Variants in PLA2G4A observed in about 807,000 individuals in gnomAD.
PLA2G4A encodes phospholipase A2 group IVA.
Under a neutral mutation model 81.9 loss-of-function variants are expected in PLA2G4A, and 40 were observed. The observed-to-expected ratio is 0.49, with a 90% CI of 0.38 to 0.64. PLA2G4A has a LOEUF of 0.64. Among genes scored for constraint, PLA2G4A ranks in the 30% least tolerant of loss-of-function variants. The pLI is 0.00. For synonymous variants in PLA2G4A, 302 were observed against 296.9 expected (o/e 1.02, Z -0.18); for missense variants, 715 against 905.1 (o/e 0.79, Z 2.69).
At chr1:186,981,234 AGATTGTAG>A (rs1173557305) in intron 17 of PLA2G4A, among the ~76,000 whole-genome samples, 1 of 152,226 alleles carries the variant, frequency 6.6e-6, no homozygotes, top group Non-Finnish European at 1.5e-5. Context: ...TGGAAAAAAC[AGATTGTAG>A]GAATATACAA....
chr1:186,931,627 T>A (rs1394556005), intron 7 of PLA2G4A, among the ~76,000 whole-genome samples: 1 of 151,942 alleles, frequency 6.6e-6, no homozygotes, highest in South Asian at 2.1e-4. Flanking sequence ...TAAGTTCTTA[T>A]CTGGCTTCCT....
intron 2 of PLA2G4A, among the ~76,000 whole-genome samples, chr1:186,862,916 G>A (rs991536605): frequency 1.3e-5 from 2 of 152,274 alleles, no homozygotes; most frequent in Admixed American, 6.5e-5. Flanking sequence ...AAGTATTGAG[G>A]TAGGAAAAGG....
At chr1:186,919,302 T>A (rs1324892743) in intron 7 of PLA2G4A, among the ~76,000 whole-genome samples, 1 of 152,168 alleles carries the variant, frequency 6.6e-6, no homozygotes, top group Non-Finnish European at 1.5e-5. Flanking sequence ...GGTTCCAGGT[T>A]CCGGTAGGCT....
chr1:186,885,671 A>G lies in PLA2G4A; in HGVS notation c.116-7340A>G, dbSNP rs992829374. ...AATAACTAAGAGTAATATGTTCAAGAAAATAGATGCTAAGATGGAGGATTT... is the reference window on the plus strand; with the variant it reads ...AATAACTAAGAGTAATATGTTCAAGGAAATAGATGCTAAGATGGAGGATTT... On this transcript the variant is annotated intron_variant, in intron 3 of 17. Transcript: ENST00000367466. 2.0e-5 allele frequency among the ~76,000 whole-genome samples: 3 copies of G among 152,178 alleles called. No homozygotes were observed. The East Asian group carries it at 5.8e-4, about 29-fold the overall frequency.
intron 3 of PLA2G4A, among the ~76,000 whole-genome samples, chr1:186,883,568 C>T (rs950413325): frequency 6.6e-6 from 1 of 152,094 alleles, no homozygotes; most frequent in Non-Finnish European, 1.5e-5. Context: ...AAAGGCCTCG[C>T]TTCCTTTTGA....
chr1:186,875,445 A>G (rs1446542755), intron 3 of PLA2G4A, among the ~76,000 whole-genome samples: 1 of 152,052 alleles, frequency 6.6e-6, no homozygotes, highest in East Asian at 1.9e-4. Context: ...TTTTATACTA[A>G]AATCATGAAA....
At chr1:186,862,420 C>T (rs1360931804) in intron 2 of PLA2G4A, among the ~76,000 whole-genome samples, 1 of 151,946 alleles carries the variant, frequency 6.6e-6, no homozygotes, top group African/African-American at 2.4e-5. Flanking sequence ...CCATGTTGGC[C>T]AGGCTGGTCT....
At position 186,939,032 on chromosome 1, in the gene PLA2G4A, C is replaced by A; in HGVS notation, c.720C>A (p.His240Gln). The A allele has an allele frequency of 6.2e-7, 1 of 1,600,386 alleles. No individual in the cohort carries two copies. The highest frequency in any genetic ancestry group is 8.6e-7 in the Non-Finnish European group (1 of 1,167,786). The change falls in exon 9 of 18, where the codon CAC becomes CAA. Residue 240 changes from histidine (H) to glutamine (Q), a missense_variant. Transcript: ENST00000367466. The stretch of plus-strand genomic sequence containing the variant: ...GGTATATGTCAACCTTGTATTCTCA[C>A]CCTGATTTTCCAGAGAAAGGGCCAG... ...STWYMSTLYS[H>Q]PDFPEKGPEE...
intron 7 of PLA2G4A, among the ~76,000 whole-genome samples, chr1:186,928,052 G>A (rs1034472232): frequency 3.9e-5 from 6 of 152,138 alleles, no homozygotes; most frequent in Non-Finnish European, 7.4e-5. Flanking sequence ...CAAAGGTCAG[G>A]TTTCAGGAAT....
intron 10 of PLA2G4A, among the ~76,000 whole-genome samples, chr1:186,944,812 G>T (rs1262313134): frequency 1.3e-5 from 2 of 151,992 alleles, no homozygotes; most frequent in Admixed American, 6.6e-5. Flanking sequence ...ACCCCATTGG[G>T]TTCTTATAAT....
rs560728534 is a variant in PLA2G4A at position 186,971,799 on chromosome 1, G to A, written c.1765-5794G>A. Among the ~76,000 whole-genome samples the A allele has an allele frequency of 3.9e-5, 6 of 152,080 alleles. No individual in the cohort carries two copies. In the South Asian group the frequency reaches 1.0e-3, roughly 26 times the overall value. Reference sequence around the variant, plus strand: ...ATAACATAATAAGATTTGAAAATTTGCGAGGAGTCTACATAAAGTTCTTTT... The same window carrying A: ...ATAACATAATAAGATTTGAAAATTTACGAGGAGTCTACATAAAGTTCTTTT... On this transcript the variant is annotated intron_variant, in intron 15 of 17. Transcript: ENST00000367466.
intron 17 of PLA2G4A, among the ~76,000 whole-genome samples, chr1:186,985,264 G>A (rs1657856815): frequency 6.6e-6 from 1 of 152,034 alleles, no homozygotes; most frequent in African/African-American, 2.4e-5. Flanking sequence ...ACTGAATGCT[G>A]CCCTGTGTCA....
At chr1:186,870,240 T>C (rs945416268) in intron 2 of PLA2G4A, among the ~76,000 whole-genome samples, 195 bp from the exon 3 acceptor site, 16 of 152,142 alleles carry the variant, frequency 1.1e-4, no homozygotes, top group Non-Finnish European at 2.9e-5. Context: ...GTAGTGACAT[T>C]TTAAGGCACA....
intron 2 of PLA2G4A, among the ~76,000 whole-genome samples, chr1:186,868,069 T>C (rs1653097792): frequency 8.4e-6 from 1 of 119,476 alleles, no homozygotes. Flanking sequence ...CGGTGTATAA[T>C]TCTTTTTTTT....
chr1:186,981,707 C>A (rs1413681318), intron 17 of PLA2G4A, among the ~76,000 whole-genome samples: 1 of 152,080 alleles, frequency 6.6e-6, no homozygotes, highest in Non-Finnish European at 1.5e-5. Flanking sequence ...ACTCTGTAAC[C>A]ATTAACTAGT....
intron 15 of PLA2G4A, among the ~76,000 whole-genome samples, chr1:186,975,230 T>G (rs1181912830): frequency 6.6e-6 from 1 of 152,232 alleles, no homozygotes; most frequent in African/African-American, 2.4e-5. Context: ...GATAAAAGCT[T>G]TCTCAAGTTT....
chr1:186,862,231 T>C (rs1652830972), intron 2 of PLA2G4A, among the ~76,000 whole-genome samples: 1 of 149,528 alleles, frequency 6.7e-6, no homozygotes, highest in African/African-American at 2.5e-5. Flanking sequence ...AACTTTTTTT[T>C]TGAGACAGGG....
rs370286042 is a variant in PLA2G4A at position 186,880,485 on chromosome 1, G to A, written c.115+9969G>A. On this transcript the variant is annotated intron_variant, in intron 3 of 17. Transcript: ENST00000367466. ...AATTTTGCCTCCTGGTGCACACTGG[G>A]CAATATTCTAGAGACATTTTTGTCA... Among the ~76,000 whole-genome samples, 5 of 151,786 alleles carry A rather than the reference G, an allele frequency of 3.3e-5. No individual in the cohort carries two copies. The East Asian group carries it at 5.8e-4, about 18-fold the overall frequency.
At chr1:186,935,122 T>C (rs1046201254) in intron 8 of PLA2G4A, among the ~76,000 whole-genome samples, 3 of 152,008 alleles carry the variant, frequency 2.0e-5, no homozygotes, top group Non-Finnish European at 4.4e-5. Context: ...GGAAGGATGC[T>C]TCAAGAAGGA....
Sources: allele counts gnomAD v4.1 joint callset (sites outside exome capture counted in the v4.1 genomes callset), GRCh38; gene constraint gnomAD v4.1.1; transcripts MANE v1.5; gene names NCBI Gene and HGNC (gene_info 2026-07-23, HGNC 2026-07-21).